Variants in SNTG2 observed in about 807,000 individuals in gnomAD.
The protein encoded by SNTG2 is gamma-2-syntrophin.
SNTG2 carries 74 observed loss-of-function variants against 70.9 expected under a neutral mutation model. That is an observed-to-expected ratio of 1.04 (90% CI 0.86 to 1.27). The LOEUF (loss-of-function observed/expected upper bound fraction) is 1.27, where lower values mean the gene tolerates loss of function less well. Ranked by LOEUF, SNTG2 falls within the 50% of genes most tolerant of loss-of-function variation. The probability of loss-of-function intolerance (pLI) is 0.00; values close to 1 mark genes in which losing one functional copy is unlikely to be tolerated. For missense variants in SNTG2, 717 were observed against 690.7 expected (o/e 1.04, Z -0.43); for synonymous variants, 278 against 273.8 (o/e 1.02, Z -0.15).
chr2:978,737 T>G (rs1660994920), intron 1 of SNTG2, among the ~76,000 whole-genome samples: 1 of 151,540 alleles, frequency 6.6e-6, no homozygotes, highest in Non-Finnish European at 1.5e-5. Context: ...GGATGTCTTA[T>G]GCACAAAAGG....
intron 14 of SNTG2, among the ~76,000 whole-genome samples, chr2:1,271,348 A>C (rs557535066): frequency 6.6e-6 from 1 of 152,216 alleles, no homozygotes; most frequent in South Asian, 2.1e-4. Flanking sequence ...TTGTTCTGCA[A>C]TTTACAAGAC....
intron 16 of SNTG2, among the ~76,000 whole-genome samples, chr2:1,360,170 C>G (rs1308019746): frequency 6.6e-6 from 1 of 152,234 alleles, no homozygotes; most frequent in Non-Finnish European, 1.5e-5. Context: ...TATCCTCTTA[C>G]AGTTCTCTAA....
chr2:1,097,889 G>A lies in SNTG2; in HGVS notation c.211-307G>A, dbSNP rs113176426. Among the ~76,000 whole-genome samples the A allele has an allele frequency of 3.2e-3, 482 of 151,802 alleles. 5 individuals are homozygous for A. The highest frequency in any genetic ancestry group is 0.011 in the African/African-American group (458 of 41,416). On this transcript the variant is annotated intron_variant, in intron 2 of 16. Transcript: ENST00000308624. The surrounding 1 kb of genome is among the most constrained non-coding windows in gnomAD (Gnocchi z 4.1). ...CCACCTGGGAGAAGGTGGACCCCTCGTTTCTTCATGGAGCTCCGTTCCTCA... is the reference window on the plus strand; with the variant it reads ...CCACCTGGGAGAAGGTGGACCCCTCATTTCTTCATGGAGCTCCGTTCCTCA...
intron 4 of SNTG2, among the ~76,000 whole-genome samples, chr2:1,100,540 C>T (rs937351181): frequency 3.9e-5 from 6 of 152,118 alleles, no homozygotes; most frequent in East Asian, 1.9e-4. Context: ...GTTATAATGG[C>T]GGTGTTGACG....
intron 1 of SNTG2, among the ~76,000 whole-genome samples, chr2:1,042,388 T>G (rs1661487993): frequency 6.6e-6 from 1 of 152,172 alleles, no homozygotes; most frequent in South Asian, 2.1e-4. Flanking sequence ...CAACTTTTGT[T>G]TTAGGTTCGG....
chr2:1,137,889 T>A, intron 6 of SNTG2, 80 bp downstream of exon 6: 3 of 1,304,894 alleles, frequency 2.3e-6, no homozygotes, highest in South Asian at 2.4e-5. Context: ...GATATTTCAC[T>A]GAGTCTATCC....
Position 1,193,841 on chromosome 2 carries a change from A to T in SNTG2, c.592-15262A>T, listed in dbSNP as rs150366549. Among the ~76,000 whole-genome samples, 81 of 152,356 alleles carry T rather than the reference A, an allele frequency of 5.3e-4. 1 individual carries two copies. In the East Asian group the frequency reaches 0.014, roughly 27 times the overall value. On this transcript the variant is annotated intron_variant, in intron 8 of 16. Transcript: ENST00000308624. Reference sequence around the variant, plus strand: ...CTTTACACCCACCAGAATAACTCTGAACACATGAAAACAAAACAAAACAAC... The same window carrying T: ...CTTTACACCCACCAGAATAACTCTGTACACATGAAAACAAAACAAAACAAC...
rs1397687844 is a variant in SNTG2 at position 1,170,165 on chromosome 2, A to G, written c.500-2927A>G. The stretch of plus-strand genomic sequence containing the variant: ...ACGTTTATCAAAGAGAAAATAAACA[A>G]CCGTTTGAGACTGAGTCAAAGTAGG... On this transcript the variant is annotated intron_variant, in intron 7 of 16. Transcript: ENST00000308624. Among the ~76,000 whole-genome samples, 4 of 149,638 alleles carry G rather than the reference A, an allele frequency of 2.7e-5. No individual in the cohort carries two copies. In the East Asian group the frequency reaches 8.0e-4, roughly 30 times the overall value.
chr2:1,351,450 C>G (rs557337404), intron 16 of SNTG2, among the ~76,000 whole-genome samples: 1 of 152,044 alleles, frequency 6.6e-6, no homozygotes, highest in South Asian at 2.1e-4. Context: ...AGGAAAGTAT[C>G]CCAGGAGGTA....
At chr2:1,059,562 T>A (rs1391606781) in intron 1 of SNTG2, among the ~76,000 whole-genome samples, 5 of 152,188 alleles carry the variant, frequency 3.3e-5, no homozygotes, top group Non-Finnish European at 7.3e-5. Flanking sequence ...ATACGTAATT[T>A]GTAATCTTTA....
At chr2:1,246,739 T>TCATG (rs200492187) in intron 11 of SNTG2, among the ~76,000 whole-genome samples, 152,262 of 152,268 alleles carry the variant, frequency 1, 76,128 homozygotes, top group Middle Eastern at 1. Context: ...TAGATTGAAT[T>TCATG]CACTGAATTC....
chr2:1,041,903 T>C (rs1228087636), intron 1 of SNTG2, among the ~76,000 whole-genome samples: 4 of 152,220 alleles, frequency 2.6e-5, no homozygotes, highest in African/African-American at 9.6e-5. Flanking sequence ...TTTGGGGTCC[T>C]CTGTTCTGTT....
At chr2:1,257,904 T>G (rs982562080) in intron 12 of SNTG2, among the ~76,000 whole-genome samples, 1 of 152,246 alleles carries the variant, frequency 6.6e-6, no homozygotes, top group Admixed American at 6.5e-5. Context: ...GGTGTATTTA[T>G]AGCAACAAGT....
intron 1 of SNTG2, among the ~76,000 whole-genome samples, chr2:1,045,029 G>A (rs1044367250): frequency 1.5e-4 from 22 of 147,514 alleles, no homozygotes; most frequent in African/African-American, 5.2e-4. Context: ...TTTCTGGTCA[G>A]TTTTTTTTTT....
chr2:1,149,984 A>G (rs71339720), intron 6 of SNTG2, among the ~76,000 whole-genome samples: 142,509 of 152,152 alleles, frequency 0.94, 66,868 homozygotes, highest in Non-Finnish European at 0.97. Context: ...CACCGCGCCC[A>G]GCTGAAGTTG....
chr2:1,355,623 T>C (rs1412721930), intron 16 of SNTG2, among the ~76,000 whole-genome samples: 1 of 152,206 alleles, frequency 6.6e-6, no homozygotes, highest in African/African-American at 2.4e-5. Flanking sequence ...ATCCTGGCTA[T>C]TGTGAGTAGT....
At chr2:1,192,875 G>A (rs914809797) in intron 8 of SNTG2, among the ~76,000 whole-genome samples, 9 of 152,348 alleles carry the variant, frequency 5.9e-5, no homozygotes, top group Non-Finnish European at 1.3e-4. Flanking sequence ...GCAGATAAAG[G>A]AATGTTTCCA....
In SNTG2 at chr2:1,316,734, ACT is replaced by A. The variant is rs1391131653; in HGVS notation, c.1488+360_1488+361del. Among the ~76,000 whole-genome samples, 202 of 138,650 alleles carry A rather than the reference ACT, an allele frequency of 1.5e-3. 9 individuals carry two copies. Among genetic ancestry groups the A allele is most frequent in the African/African-American group, 1.8e-3 (67 of 38,242 alleles). 91.0% of individuals were successfully genotyped at this position (138,650 alleles called of 152,430 possible). A position where few individuals can be genotyped will look rare whatever the true frequency, so the allele number is the denominator to read the frequency against. On this transcript the variant is annotated intron_variant, in intron 16 of 16. Coordinates refer to ENST00000308624, the MANE Select transcript of SNTG2 (RefSeq NM_018968.4). ...TTCGAGAAGGTTGGGATTCTGGAGC[ACT>A]TAGCATCAGGGCAGCATTGGAGAAG...
chr2:1,078,122 T>C (rs900918269), intron 1 of SNTG2, among the ~76,000 whole-genome samples: 6 of 152,206 alleles, frequency 3.9e-5, no homozygotes, highest in African/African-American at 1.4e-4. Context: ...TGGATAAAGT[T>C]ACAAGGGTGG....
Sources: gnomAD v4.1 joint callset for allele counts (sites outside exome capture counted in the v4.1 genomes callset) on GRCh38, gnomAD v4.1.1 for gene constraint, Gnocchi (gnomAD v3.1) non-coding constraint, MANE v1.5 for transcripts, NCBI Gene and HGNC (gene_info 2026-07-23, HGNC 2026-07-21) for gene names.